ADD2: variants seen among roughly 807,000 people sequenced by gnomAD.
ADD2 encodes adducin 2, also known as beta-adducin.
A neutral mutation model predicts 83.0 loss-of-function variants in ADD2; 23 were observed. That is an observed-to-expected ratio of 0.28 (90% confidence interval 0.20 to 0.39). ADD2 has a LOEUF of 0.39. Ranked by LOEUF, ADD2 falls within the 10% of genes least tolerant of loss-of-function variation. ADD2 has a pLI of 1.00. For synonymous variants in ADD2, 375 were observed against 375.4 expected (o/e 1.00, Z 0.01); for missense variants, 758 against 944.9 (o/e 0.80, Z 2.59).
intron 10 of ADD2, 38 bp from the exon 11 acceptor site, chr2:70,678,999 A>G: frequency 6.4e-7 from 1 of 1,556,412 alleles, no homozygotes; most frequent in Non-Finnish European, 8.7e-7. Context: ...ATGGGGTGAG[A>G]AAAAAGGCCT....
At position 70,663,617 on chromosome 2, in the gene ADD2, G is replaced by A; in HGVS notation, c.1989C>T (p.Ser663=). The change falls in exon 16 of 16, where the codon AGC becomes AGT. Residue 663 remains serine, a synonymous_variant. Transcript: ENST00000264436. ...TGGTGGTCATCTGGCTCAGGCCTTTGCTGAGGATTTCCTCTGCCGTCTGCT... is the reference window on the plus strand; with the variant it reads ...TGGTGGTCATCTGGCTCAGGCCTTTACTGAGGATTTCCTCTGCCGTCTGCT... ...EEEQTAEEIL[S]KGLSQMTTSA... is the part of the protein sequence containing the mutation. 6.2e-7 allele frequency: 1 copy of A among 1,614,146 alleles called. No homozygotes were observed.
At chr2:70,733,252 G>C (rs558936421) in intron 1 of ADD2, among the ~76,000 whole-genome samples, 1 of 152,144 alleles carries the variant, frequency 6.6e-6, no homozygotes, top group Non-Finnish European at 1.5e-5. Flanking sequence ...CTGCTGGCTC[G>C]TCTTCTCCCC....
intron 1 of ADD2, chr2:70,767,669 C>A: frequency 7.3e-7 from 1 of 1,375,844 alleles, no homozygotes; most frequent in Non-Finnish European, 9.3e-7. Context: ...GCTTGCAGCC[C>A]CGATTTCCTA....
chr2:70,728,602 G>C (rs527262581), intron 1 of ADD2, among the ~76,000 whole-genome samples: 1 of 152,372 alleles, frequency 6.6e-6, no homozygotes, highest in African/African-American at 2.4e-5. Flanking sequence ...TACATTAAAT[G>C]CTCTAGAAAA....
chr2:70,729,168 G>A (rs1245906087), intron 1 of ADD2, among the ~76,000 whole-genome samples: 1 of 152,178 alleles, frequency 6.6e-6, no homozygotes, highest in Non-Finnish European at 1.5e-5. Flanking sequence ...AGATGCCAGG[G>A]CACTCCTTCC....
intron 5 of ADD2, 96 bp downstream of exon 5, chr2:70,696,149 G>T: frequency 1.4e-6 from 2 of 1,473,528 alleles, no homozygotes; most frequent in East Asian, 2.5e-5. Context: ...AAGGTCACCA[G>T]CAGTGCCATG....
intron 10 of ADD2, among the ~76,000 whole-genome samples, chr2:70,680,672 G>A (rs948838339): frequency 6.6e-6 from 1 of 152,138 alleles, no homozygotes; most frequent in African/African-American, 2.4e-5. Context: ...TTTCTCTGAT[G>A]TCTATTAATA....
intron 13 of ADD2, chr2:70,675,856 GT>G (rs1558523214): frequency 3.0e-6 from 3 of 985,134 alleles, no homozygotes; most frequent in Non-Finnish European, 3.6e-6. Flanking sequence ...ATTTTTGTTT[GT>G]TTTTTTAACA....
intron 1 of ADD2, among the ~76,000 whole-genome samples, chr2:70,730,016 G>T (rs1673202440): frequency 6.6e-6 from 1 of 152,140 alleles, no homozygotes; most frequent in Non-Finnish European, 1.5e-5. Flanking sequence ...CTGCAAAGTA[G>T]GTTTAAAGTA....
At chr2:70,739,545 G>C (rs1212921070) in intron 1 of ADD2, among the ~76,000 whole-genome samples, 1 of 152,190 alleles carries the variant, frequency 6.6e-6, no homozygotes, top group African/African-American at 2.4e-5. Context: ...GTACCCAAAG[G>C]AATATAAATC....
intron 11 of ADD2, 48 bp from the exon 12 acceptor site, chr2:70,677,925 G>A: frequency 6.2e-7 from 1 of 1,611,818 alleles, no homozygotes; most frequent in Non-Finnish European, 8.5e-7. Flanking sequence ...ACAGGCCCAT[G>A]AGTCCTCCCC....
chr2:70,661,154 A>G lies in ADD2; in HGVS notation c.*2271T>C, dbSNP rs1675524821. The G allele has an allele frequency of 6.6e-6, 1 of 152,142 alleles. No homozygotes were observed. Among genetic ancestry groups the G allele is most frequent in the South Asian group, 2.1e-4 (1 of 4,832 alleles). 9.4% of individuals were successfully genotyped at this position (152,142 alleles called of 1,614,324 possible). On this transcript the variant is annotated 3_prime_UTR_variant, in exon 16 of 16. Coordinates refer to ENST00000264436, the MANE Select transcript of ADD2 (RefSeq NM_001617.4). The stretch of plus-strand genomic sequence containing the variant: ...AGGGAATAGAGTGTGTTGAATGCAG[A>G]GGCAATCAACATCACCCCCGAAGTA...
intron 3 of ADD2, among the ~76,000 whole-genome samples, chr2:70,705,620 G>A (rs1671847025): frequency 1.3e-5 from 2 of 152,120 alleles, no homozygotes; most frequent in African/African-American, 4.8e-5. Flanking sequence ...CTGCCTCAAG[G>A]AGGAGCTGTG....
intron 1 of ADD2, among the ~76,000 whole-genome samples, chr2:70,735,376 A>G (rs771238754): frequency 1.3e-5 from 2 of 152,178 alleles, no homozygotes; most frequent in Non-Finnish European, 2.9e-5. Flanking sequence ...ACTCCATCAC[A>G]TGGGGGGCAC....
At chr2:70,698,258 A>G (rs1671409537) in intron 4 of ADD2, among the ~76,000 whole-genome samples, 1 of 152,210 alleles carries the variant, frequency 6.6e-6, no homozygotes, top group Non-Finnish European at 1.5e-5. Flanking sequence ...AACAGGTCTG[A>G]AAATACTCAC....
intron 4 of ADD2, among the ~76,000 whole-genome samples, chr2:70,698,167 G>T (rs982623480): frequency 6.6e-6 from 1 of 152,192 alleles, no homozygotes; most frequent in African/African-American, 2.4e-5. Context: ...ATGTTGGGAG[G>T]TCTATATAGT....
intron 1 of ADD2, among the ~76,000 whole-genome samples, chr2:70,722,904 C>T (rs955838322): frequency 5.3e-5 from 8 of 152,182 alleles, no homozygotes; most frequent in East Asian, 1.9e-4. Context: ...AGTAGGTGCT[C>T]GATCAATGCT....
chr2:70,698,131 C>T (rs1218685255), intron 4 of ADD2, among the ~76,000 whole-genome samples: 1 of 152,222 alleles, frequency 6.6e-6, no homozygotes, highest in African/African-American at 2.4e-5. Context: ...CACAGGGCCC[C>T]AGGCAAAGGT....
At chr2:70,702,702 A>G (rs1395607962) in intron 4 of ADD2, among the ~76,000 whole-genome samples, 3 of 59,120 alleles carry the variant, frequency 5.1e-5, no homozygotes, top group Admixed American at 1.6e-4. Context: ...GAGAAACTGG[A>G]AAAAAAAAAA....
Sources: allele counts gnomAD v4.1 joint callset (sites outside exome capture counted in the v4.1 genomes callset), GRCh38; gene constraint gnomAD v4.1.1; transcripts MANE v1.5; gene names NCBI Gene and HGNC (gene_info 2026-07-23, HGNC 2026-07-21).